The following FOXP1 variants were observed in gnomAD, a reference collection of about 807,000 sequenced individuals.
FOXP1 encodes the protein forkhead box P1, also known as forkhead box protein P1.
Under a neutral mutation model 98.2 loss-of-function variants are expected in FOXP1, and 15 were observed. The observed-to-expected ratio is 0.15, with a 90% CI of 0.10 to 0.24. The LOEUF (loss-of-function observed/expected upper bound fraction) is 0.24, where lower values mean the gene tolerates loss of function less well. FOXP1 is among the 10% of genes least tolerant of loss of function. FOXP1 has a pLI of 1.00. For synonymous variants in FOXP1, 371 were observed against 314.5 expected (o/e 1.18, Z -1.90); for missense variants, 633 against 848.5 (o/e 0.75, Z 3.15).
chr3:71,108,342 T>C (rs534254935), intron 7 of FOXP1, among the ~76,000 whole-genome samples: 22 of 152,328 alleles, frequency 1.4e-4, no homozygotes, highest in African/African-American at 4.8e-4. Flanking sequence ...ATCAATAAAA[T>C]TGCTCATCGA....
At chr3:71,531,136 C>T (rs192614867) in intron 2 of FOXP1, among the ~76,000 whole-genome samples, 3 of 152,362 alleles carry the variant, frequency 2.0e-5, no homozygotes, top group Non-Finnish European at 2.9e-5. Context: ...TGAGGAGGGA[C>T]GCACATAAAT....
At chr3:71,090,750 G>T (rs1258089175) in intron 7 of FOXP1, among the ~76,000 whole-genome samples, 1 of 152,132 alleles carries the variant, frequency 6.6e-6, no homozygotes, top group Non-Finnish European at 1.5e-5. Context: ...AGGAGAGCTA[G>T]GGTCCTGCAC....
chr3:71,417,773 TGAG>T (rs1482152428), intron 3 of FOXP1, among the ~76,000 whole-genome samples: 2 of 152,176 alleles, frequency 1.3e-5, no homozygotes, highest in Non-Finnish European at 2.9e-5. Flanking sequence ...TGGACAGAGC[TGAG>T]GCTGTTGGGT....
chr3:71,501,002 G>A (rs984636416), intron 2 of FOXP1, among the ~76,000 whole-genome samples: 2 of 152,052 alleles, frequency 1.3e-5, no homozygotes, highest in African/African-American at 4.8e-5. Flanking sequence ...GACCAGCCTG[G>A]CCAACATGGT....
intron 7 of FOXP1, among the ~76,000 whole-genome samples, chr3:71,057,676 A>T (rs1473178378): frequency 2.0e-5 from 3 of 152,082 alleles, no homozygotes; most frequent in Admixed American, 1.3e-4. Context: ...AACTGAATTT[A>T]AAAAAACGCA....
intron 6 of FOXP1, among the ~76,000 whole-genome samples, chr3:71,159,607 A>C (rs1346615322): frequency 6.6e-6 from 1 of 152,196 alleles, no homozygotes; most frequent in Non-Finnish European, 1.5e-5. Context: ...TTGATTATAA[A>C]TAGCCCTTAC....
intron 3 of FOXP1, among the ~76,000 whole-genome samples, chr3:71,392,104 T>A (rs1393427954): frequency 6.6e-6 from 1 of 152,210 alleles, no homozygotes; most frequent in African/African-American, 2.4e-5. Context: ...TATCGTTGGG[T>A]TATGATATCA....
intron 7 of FOXP1, chr3:71,064,886 G>C (rs1187236248): frequency 3.4e-6 from 3 of 892,838 alleles, no homozygotes; most frequent in Non-Finnish European, 4.0e-6. Flanking sequence ...GCGCGGGCCG[G>C]GCGTGGGGTC....
chr3:71,318,433 A>C (rs960114323), intron 4 of FOXP1, among the ~76,000 whole-genome samples: 3 of 152,230 alleles, frequency 2.0e-5, no homozygotes, highest in African/African-American at 7.2e-5. Context: ...CTTGCAGGCC[A>C]AGTCCTATTT....
intron 5 of FOXP1, among the ~76,000 whole-genome samples, chr3:71,204,954 G>A (rs1281582462): frequency 1.3e-5 from 2 of 152,192 alleles, no homozygotes; most frequent in African/African-American, 4.8e-5. Context: ...AGGAGGCAAA[G>A]TCAGTGTGCT....
intron 18 of FOXP1, chr3:70,971,944 A>T: frequency 7.9e-7 from 1 of 1,258,564 alleles, no homozygotes; most frequent in Non-Finnish European, 1.0e-6. Context: ...ACTACATGGG[A>T]TGAGTCAACC....
At chr3:71,049,283 G>A (rs929358217) in intron 9 of FOXP1, among the ~76,000 whole-genome samples, 7 of 152,148 alleles carry the variant, frequency 4.6e-5, no homozygotes, top group South Asian at 2.1e-4. Flanking sequence ...CGGGACAAAC[G>A]GCCCTTTTAA....
At chr3:71,215,427 G>A (rs2064843412) in intron 5 of FOXP1, among the ~76,000 whole-genome samples, 1 of 152,180 alleles carries the variant, frequency 6.6e-6, no homozygotes, top group Non-Finnish European at 1.5e-5. Context: ...TAAATAAGTG[G>A]AGATTAGAAT....
intron 5 of FOXP1, among the ~76,000 whole-genome samples, chr3:71,217,644 A>G (rs2065044158): frequency 6.6e-6 from 1 of 152,052 alleles, no homozygotes; most frequent in Admixed American, 6.6e-5. Context: ...AGCAAATAGG[A>G]GAAAAGAAGT....
At chr3:71,568,473 G>A (rs898410605) in intron 2 of FOXP1, among the ~76,000 whole-genome samples, 9 of 152,052 alleles carry the variant, frequency 5.9e-5, no homozygotes, top group Non-Finnish European at 1.3e-4. Flanking sequence ...GTCCCACAGG[G>A]CCCCACATAC....
chr3:71,211,054 C>T (rs2064420147), intron 5 of FOXP1, among the ~76,000 whole-genome samples: 3 of 152,138 alleles, frequency 2.0e-5, no homozygotes, highest in Admixed American at 6.5e-5. Context: ...CTAGGCTAAA[C>T]CTGGGCATAT....
At chr3:71,329,835 A>G (rs2107714394) in intron 4 of FOXP1, 1 of 152,332 alleles carries the variant, frequency 6.6e-6, no homozygotes, top group East Asian at 1.9e-4. Context: ...AATCAAGAAC[A>G]ATGTTAATAT....
chr3:71,015,060 C>T (rs1044001063), intron 12 of FOXP1, among the ~76,000 whole-genome samples: 4 of 151,704 alleles, frequency 2.6e-5, no homozygotes, highest in Admixed American at 2.6e-4. Context: ...ATGGGTGCAG[C>T]ACACCAACAT....
At chr3:71,227,249 A>G (rs1389036007) in intron 5 of FOXP1, among the ~76,000 whole-genome samples, 2 of 152,028 alleles carry the variant, frequency 1.3e-5, no homozygotes, top group Non-Finnish European at 2.9e-5. Context: ...TTCCCACACA[A>G]CTCTAAGATT....
Sources: gnomAD v4.1 joint callset for allele counts (sites outside exome capture counted in the v4.1 genomes callset) on GRCh38, gnomAD v4.1.1 for gene constraint, MANE v1.5 for transcripts, NCBI Gene and HGNC (gene_info 2026-07-23, HGNC 2026-07-21) for gene names.